The following LRPPRC variants were observed in gnomAD, a reference collection of about 807,000 sequenced individuals.
The protein encoded by LRPPRC is leucine rich pentatricopeptide repeat containing.
Under a neutral mutation model 180.3 loss-of-function variants are expected in LRPPRC, and 120 were observed. That is an observed-to-expected ratio of 0.67 (90% CI 0.57 to 0.77). The LOEUF (loss-of-function observed/expected upper bound fraction) is 0.77, where lower values mean the gene tolerates loss of function less well. LRPPRC is among the 30% of genes least tolerant of loss of function. LRPPRC has a pLI of 0.00. For missense variants in LRPPRC, 2,012 were observed against 1,657.2 expected (o/e 1.21, Z -3.72); for synonymous variants, 723 against 600.0 (o/e 1.21, Z -3.00).
At chr2:43,906,753 CATCA>C (rs1671079758) in intron 30 of LRPPRC, among the ~76,000 whole-genome samples, 1 of 152,182 alleles carries the variant, frequency 6.6e-6, no homozygotes, top group South Asian at 2.1e-4. Context: ...AAATTATTTT[CATCA>C]ATCCCAAGAA....
intron 25 of LRPPRC, among the ~76,000 whole-genome samples, chr2:43,926,425 T>C (rs183472408): frequency 6.6e-6 from 1 of 152,296 alleles, no homozygotes; most frequent in Non-Finnish European, 1.5e-5. Context: ...AGAGTCTCAA[T>C]GGCATGATCT....
At chr2:43,943,966 T>A (rs1672586895) in intron 22 of LRPPRC, 72 bp from the exon 23 acceptor site, 20 of 1,056,210 alleles carry the variant, frequency 1.9e-5, no homozygotes, top group Non-Finnish European at 2.9e-5. Context: ...TAAAACAGCA[T>A]TTCAAGCCCA....
intron 37 of LRPPRC, among the ~76,000 whole-genome samples, chr2:43,889,314 CAAAAAAAAAA>C (rs780032604): frequency 3.9e-4 from 15 of 38,342 alleles, no homozygotes; most frequent in African/African-American, 1.5e-3. Flanking sequence ...GACTCCATCT[CAAAAAAAAAA>C]AAAAAAAAAA....
chr2:43,979,424 A>G (rs994768554), intron 3 of LRPPRC, among the ~76,000 whole-genome samples: 1 of 152,156 alleles, frequency 6.6e-6, no homozygotes, highest in African/African-American at 2.4e-5. Context: ...AATCCCCTAG[A>G]GAAGAATATT....
chr2:43,929,876 T>C (rs976986476), intron 25 of LRPPRC, among the ~76,000 whole-genome samples: 3 of 152,038 alleles, frequency 2.0e-5, no homozygotes, highest in Non-Finnish European at 4.4e-5. Context: ...TAGGAGATAC[T>C]AAACTAACTC....
intron 23 of LRPPRC, among the ~76,000 whole-genome samples, chr2:43,941,634 G>A (rs747833473): frequency 1.1e-4 from 17 of 152,140 alleles, no homozygotes; most frequent in Middle Eastern, 6.8e-3. Context: ...AAACACAATT[G>A]AGAAAGAGTT....
chr2:43,924,867 A>G (rs1279726071), intron 27 of LRPPRC, among the ~76,000 whole-genome samples, 200 bp downstream of exon 27: 1 of 152,212 alleles, frequency 6.6e-6, no homozygotes, highest in Non-Finnish European at 1.5e-5. Flanking sequence ...TAAGAATGTC[A>G]GAAATTATGA....
intron 11 of LRPPRC, among the ~76,000 whole-genome samples, chr2:43,972,368 T>A (rs1369640037): frequency 6.6e-6 from 1 of 152,236 alleles, no homozygotes; most frequent in Non-Finnish European, 1.5e-5. Flanking sequence ...AACTCTTTTA[T>A]GTTTACTAAG....
intron 25 of LRPPRC, among the ~76,000 whole-genome samples, chr2:43,933,967 C>T (rs1672181464): frequency 6.6e-6 from 1 of 152,028 alleles, no homozygotes; most frequent in Admixed American, 6.6e-5. Flanking sequence ...GTGAATTTAA[C>T]AAAGTGAGGA....
chr2:43,989,001 A>G (rs187054700), intron 1 of LRPPRC, among the ~76,000 whole-genome samples: 48 of 152,130 alleles, frequency 3.2e-4, no homozygotes, highest in Non-Finnish European at 5.9e-4. Flanking sequence ...TCAGCTCCCA[A>G]GTAGCTAGGA....
chr2:43,936,066 A>G (rs1672266446), intron 23 of LRPPRC, among the ~76,000 whole-genome samples: 1 of 152,188 alleles, frequency 6.6e-6, no homozygotes, highest in Non-Finnish European at 1.5e-5. Flanking sequence ...CTGGGCAACA[A>G]AAGTGAAACT....
chr2:43,891,684 T>C (rs1026206013), intron 36 of LRPPRC, among the ~76,000 whole-genome samples: 3 of 152,214 alleles, frequency 2.0e-5, no homozygotes, highest in African/African-American at 7.2e-5. Flanking sequence ...CACAACAATA[T>C]TGAAATTAGG....
intron 27 of LRPPRC, among the ~76,000 whole-genome samples, chr2:43,922,223 G>T (rs1671723514): frequency 6.6e-6 from 1 of 152,152 alleles, no homozygotes; most frequent in Admixed American, 6.5e-5. Flanking sequence ...GAAAATGAAA[G>T]CAGTTTTATA....
intron 27 of LRPPRC, among the ~76,000 whole-genome samples, chr2:43,919,306 A>C (rs1163027814): frequency 6.6e-6 from 1 of 152,140 alleles, no homozygotes; most frequent in East Asian, 1.9e-4. Flanking sequence ...CTGGTACCAA[A>C]AAGGTTGGGG....
rs750922461 is a variant in LRPPRC at position 43,957,480 on chromosome 2, C to A, written c.1583-29G>T. 6.5e-6 allele frequency: 10 copies of A among 1,545,772 alleles called. No homozygotes were observed. In the Admixed American group the frequency reaches 6.7e-5, roughly 10 times the overall value. On this transcript the variant is annotated intron_variant, in intron 13 of 37. Coordinates refer to ENST00000260665, the MANE Select transcript of LRPPRC (RefSeq NM_133259.4). ...CAAAAGAAAATGACCATCATTAAAT[C>A]TCAGACCAAACAAATTTAAAAACCC... is the stretch of plus-strand genomic sequence containing the variant.
At chr2:43,900,463 G>A (rs1170915691) in intron 32 of LRPPRC, among the ~76,000 whole-genome samples, 2 of 151,830 alleles carry the variant, frequency 1.3e-5, no homozygotes, top group Non-Finnish European at 2.9e-5. Context: ...TATGTTCTCC[G>A]AATCATATAA....
chr2:43,993,716 A>G (rs993515362), intron 1 of LRPPRC, among the ~76,000 whole-genome samples: 5 of 146,934 alleles, frequency 3.4e-5, no homozygotes, highest in African/African-American at 1.3e-4. Flanking sequence ...TCCTGCTCTC[A>G]TATAGCTTAC....
chr2:43,933,363 C>T (rs946193470), intron 25 of LRPPRC, among the ~76,000 whole-genome samples: 2 of 152,182 alleles, frequency 1.3e-5, no homozygotes, highest in African/African-American at 4.8e-5. Context: ...ACTTTTGCAT[C>T]CTGTCCCCTG....
intron 34 of LRPPRC, among the ~76,000 whole-genome samples, chr2:43,897,125 T>C (rs1670715233): frequency 6.6e-6 from 1 of 152,222 alleles, no homozygotes; most frequent in African/African-American, 2.4e-5. Context: ...TGCTCATTTC[T>C]TTATAAAAAT....
Sources: gnomAD v4.1 joint callset for allele counts (sites outside exome capture counted in the v4.1 genomes callset) on GRCh38, gnomAD v4.1.1 for gene constraint, MANE v1.5 for transcripts, NCBI Gene and HGNC (gene_info 2026-07-23, HGNC 2026-07-21) for gene names.